The following TACC2 variants were observed in gnomAD, a reference collection of about 807,000 sequenced individuals.
TACC2 encodes the protein transforming acidic coiled-coil-containing protein 2.
Under a neutral mutation model 227.3 loss-of-function variants are expected in TACC2, and 137 were observed. The observed-to-expected ratio is 0.60, with a 90% CI of 0.52 to 0.69. The LOEUF is 0.69. Ranked by LOEUF, TACC2 falls within the 30% of genes least tolerant of loss-of-function variation. The pLI, the probability that TACC2 is intolerant of heterozygous loss-of-function variation, is 0.00. For missense variants in TACC2, 3,470 were observed against 3,694.4 expected, an observed-to-expected ratio of 0.94 and a Z score of 1.57; for synonymous variants, 1,523 against 1,487.5, an observed-to-expected ratio of 1.02 and a Z score of -0.55.
At chr10:122,174,580 G>A (rs1267637615) in intron 7 of TACC2, among the ~76,000 whole-genome samples, 2 of 152,148 alleles carry the variant, frequency 1.3e-5, no homozygotes, top group Non-Finnish European at 2.9e-5. Context: ...TAAAACGTTC[G>A]TGAAACACTA....
chr10:122,136,545 G>GTGTA lies in TACC2; in HGVS notation c.5699+3812_5699+3813insGTAT, dbSNP rs1555066884. On this transcript the variant is annotated intron_variant, in intron 6 of 22. Coordinates refer to ENST00000369005, the MANE Select transcript of TACC2 (RefSeq NM_206862.4). ...TGTGTATGTATGTTTGTGTGTGTGT[G>GTGTA]TATATATATATATATATATATATAT... 9.6e-3 allele frequency among the ~76,000 whole-genome samples: 528 copies of GTGTA among 54,978 alleles called. 1 individual carries two copies. Among genetic ancestry groups the GTGTA allele is most frequent in the African/African-American group, 0.024 (488 of 20,562 alleles). 36.1% of individuals were successfully genotyped at this position (54,978 alleles called of 152,430 possible).
At chr10:122,227,714 T>G in intron 13 of TACC2, 123 bp from the exon 14 acceptor site, 1 of 1,120,044 alleles carries the variant, frequency 8.9e-7, no homozygotes, top group Non-Finnish European at 1.3e-6. Context: ...ACTGGAGACC[T>G]GGCTCATATC....
chr10:122,156,842 G>C (rs1021445120), intron 7 of TACC2, among the ~76,000 whole-genome samples: 1 of 152,222 alleles, frequency 6.6e-6, no homozygotes, highest in Non-Finnish European at 1.5e-5. Flanking sequence ...GTGAGGACAT[G>C]ACTGGGCACA....
At chr10:122,186,980 G>A (rs1248909678) in intron 7 of TACC2, among the ~76,000 whole-genome samples, 4 of 152,278 alleles carry the variant, frequency 2.6e-5, no homozygotes, top group East Asian at 1.9e-4. Context: ...CCAGGAAGGC[G>A]TAGCAGGATC....
intron 8 of TACC2, among the ~76,000 whole-genome samples, chr10:122,207,469 T>A (rs2095157337): frequency 6.6e-6 from 1 of 152,058 alleles, no homozygotes; most frequent in Non-Finnish European, 1.5e-5. Flanking sequence ...TACATGGCAA[T>A]GTCTAGACAC....
chr10:122,180,296 C>T lies in TACC2; in HGVS notation c.5835-14744C>T, dbSNP rs921914553. Among the ~76,000 whole-genome samples, 88 of 151,678 alleles carry T rather than the reference C, an allele frequency of 5.8e-4. No homozygotes were observed. The highest frequency in any genetic ancestry group is 1.1e-3 in the Non-Finnish European group (72 of 67,920). ...TTCCCCCTCCCACCTCAGGGCTCTT[C>T]ATCTTTTTGTTCTCCCTGCCTGAAA... On this transcript the variant is annotated intron_variant, in intron 7 of 22. Coordinates refer to ENST00000369005, the MANE Select transcript of TACC2 (RefSeq NM_206862.4). The surrounding 1 kb of genome is among the most constrained non-coding windows in gnomAD (Gnocchi z 4.5).
intron 3 of TACC2, chr10:122,052,137 C>A (rs1372210116): frequency 1.3e-5 from 2 of 152,118 alleles, no homozygotes; most frequent in Non-Finnish European, 2.9e-5. Context: ...TGACTTGGCT[C>A]TGGATGACTA....
chr10:122,142,647 C>G lies in TACC2; in HGVS notation c.5700-925C>G, dbSNP rs116129109. Among the ~76,000 whole-genome samples the G allele has an allele frequency of 6.6e-3, 998 of 152,314 alleles. 14 individuals carry two copies. The highest frequency in any genetic ancestry group is 0.027 in the Middle Eastern group (8 of 294). ...TTTACCCGCAGAGGGAAGCAGTGAT[C>G]CCTCACTGCAAGGGCTGTGACGCCA... On this transcript the variant is annotated intron_variant, in intron 6 of 22. Coordinates refer to ENST00000369005, the MANE Select transcript of TACC2 (RefSeq NM_206862.4).
chr10:122,067,725 C>G (rs1042926329), intron 3 of TACC2, among the ~76,000 whole-genome samples: 2 of 152,112 alleles, frequency 1.3e-5, no homozygotes, highest in Non-Finnish European at 2.9e-5. Context: ...AGGCTGGTCT[C>G]GAACTCCTGA....
At chr10:122,226,510 C>A in intron 13 of TACC2, 29 bp downstream of exon 13, 2 of 1,498,304 alleles carry the variant, frequency 1.3e-6, no homozygotes, top group Non-Finnish European at 1.9e-6. Flanking sequence ...GAGAGTTACA[C>A]ATCATGCTGG....
At chr10:122,096,685 A>G (rs56113908) in intron 5 of TACC2, among the ~76,000 whole-genome samples, 10,907 of 141,350 alleles carry the variant, frequency 0.077, 664 homozygotes, top group East Asian at 0.28. Flanking sequence ...GACAGAGCAA[A>G]ACTCCGTCTC....
intron 1 of TACC2, among the ~76,000 whole-genome samples, chr10:122,021,228 C>CG (rs1159894733): frequency 1.6e-5 from 2 of 123,056 alleles, no homozygotes; most frequent in Non-Finnish European, 3.3e-5. Flanking sequence ...GACTCCATCT[C>CG]GAAAAAAAAA....
intron 11 of TACC2, among the ~76,000 whole-genome samples, chr10:122,217,692 G>A (rs1267975128): frequency 2.0e-5 from 3 of 151,846 alleles, no homozygotes; most frequent in African/African-American, 4.8e-5. Flanking sequence ...TGCCTGCCTT[G>A]GCCTCCCAAA....
intron 16 of TACC2, among the ~76,000 whole-genome samples, chr10:122,235,944 A>G (rs927463843): frequency 1.3e-5 from 2 of 152,188 alleles, no homozygotes; most frequent in Admixed American, 1.3e-4. Flanking sequence ...ATGCAAGGCC[A>G]GGCAGGGGCC....
At chr10:122,138,775 T>C (rs930376682) in intron 6 of TACC2, among the ~76,000 whole-genome samples, 2 of 152,232 alleles carry the variant, frequency 1.3e-5, no homozygotes, top group Admixed American at 6.5e-5. Context: ...AACTGCCACA[T>C]TGGCAAGTGT....
At chr10:122,040,584 C>T (rs1281288730) in intron 2 of TACC2, among the ~76,000 whole-genome samples, 4 of 152,066 alleles carry the variant, frequency 2.6e-5, no homozygotes, top group African/African-American at 4.8e-5. Context: ...TCTGGAGTTC[C>T]GCTTGGCCAT....
chr10:121,993,456 C>T (rs983461948), intron 1 of TACC2, among the ~76,000 whole-genome samples: 11 of 152,038 alleles, frequency 7.2e-5, no homozygotes, highest in East Asian at 1.9e-4. Context: ...TCCCTGCTCC[C>T]GAGTCCACCC....
chr10:122,072,053 A>T (rs1206288662), intron 3 of TACC2, among the ~76,000 whole-genome samples: 1 of 137,958 alleles, frequency 7.2e-6, no homozygotes, highest in African/African-American at 2.8e-5. Flanking sequence ...ATCTCAGCTC[A>T]CTGCAAGCTC....
intron 5 of TACC2, among the ~76,000 whole-genome samples, chr10:122,105,942 CTCTGTGTGTG>C (rs1327989124): frequency 1.8e-5 from 2 of 109,868 alleles, no homozygotes; most frequent in African/African-American, 3.0e-5. Flanking sequence ...CATTTTCTCT[CTCTGTGTGTG>C]TGTGTGTGTG....
Sources: allele counts gnomAD v4.1 joint callset (sites outside exome capture counted in the v4.1 genomes callset), GRCh38; gene constraint gnomAD v4.1.1; non-coding constraint Gnocchi (gnomAD v3.1); transcripts MANE v1.5; gene names NCBI Gene and HGNC (gene_info 2026-07-23, HGNC 2026-07-21).